Variants in RALYL observed in about 807,000 individuals in gnomAD.
The protein encoded by RALYL is RNA-binding Raly-like protein.
A neutral mutation model predicts 35.1 loss-of-function variants in RALYL; 29 were observed. The ratio of observed to expected loss-of-function variants is 0.83; its 90% CI spans 0.61 to 1.13. The LOEUF (loss-of-function observed/expected upper bound fraction) is 1.13. Among genes scored for constraint, RALYL ranks in the 50% most tolerant of loss-of-function variants. The probability of loss-of-function intolerance (pLI) is 0.00; values close to 1 mark genes in which losing one functional copy is unlikely to be tolerated. For missense variants in RALYL, 359 were observed against 360.4 expected (o/e 1.00, Z 0.03); for synonymous variants, 120 against 127.6 (o/e 0.94, Z 0.40).
intron 1 of RALYL, among the ~76,000 whole-genome samples, chr8:84,436,543 G>GTTTTTT (rs150233257): frequency 1.6e-5 from 1 of 62,396 alleles, no homozygotes; most frequent in Non-Finnish European, 2.7e-5. Context: ...AATCATGGGA[G>GTTTTTT]TTTTTTTTTT....
chr8:84,392,213 A>G lies in RALYL; in HGVS notation c.-23-137086A>G, dbSNP rs148908387. Among the ~76,000 whole-genome samples the G allele has an allele frequency of 3.7e-4, 56 of 152,164 alleles. No individual in the cohort carries two copies. The East Asian group carries it at 0.01, about 28-fold the overall frequency. On this transcript the variant is annotated intron_variant, in intron 1 of 8. Coordinates refer to ENST00000521268, the MANE Select transcript of RALYL (RefSeq NM_173848.7). ...CTGCAGAAGAGTTTAATATGGTACA[A>G]TAATAATTCTTATTTTTCTCTTACT...
At chr8:84,202,661 C>G (rs886843031) in intron 1 of RALYL, among the ~76,000 whole-genome samples, 1 of 152,018 alleles carries the variant, frequency 6.6e-6, no homozygotes, top group African/African-American at 2.4e-5. Flanking sequence ...CGTGAGCCAC[C>G]GTGCCCAGCC....
At chr8:84,237,894 G>A (rs1359443194) in intron 1 of RALYL, among the ~76,000 whole-genome samples, 1 of 151,528 alleles carries the variant, frequency 6.6e-6, no homozygotes, top group Non-Finnish European at 1.5e-5. Context: ...TCAGGAAATT[G>A]AAGAGAAAGG....
At chr8:84,423,933 G>A (rs917237457) in intron 1 of RALYL, among the ~76,000 whole-genome samples, 9 of 151,540 alleles carry the variant, frequency 5.9e-5, no homozygotes, top group Admixed American at 1.3e-4. Context: ...TTAGTCTGAT[G>A]GGCTTCCCTT....
chr8:84,814,088 C>A (rs1826575315), intron 4 of RALYL, among the ~76,000 whole-genome samples: 1 of 152,034 alleles, frequency 6.6e-6, no homozygotes. Context: ...GCTTCAGGTT[C>A]TTGTTTGTGA....
At chr8:84,826,348 T>G (rs1191025374) in intron 4 of RALYL, among the ~76,000 whole-genome samples, 2 of 151,714 alleles carry the variant, frequency 1.3e-5, no homozygotes, top group African/African-American at 4.8e-5. Context: ...TTCTTTGCTT[T>G]GCAATAGAGC....
chr8:84,537,564 A>G (rs971929328), intron 2 of RALYL, among the ~76,000 whole-genome samples: 3 of 151,822 alleles, frequency 2.0e-5, no homozygotes. Flanking sequence ...TACTTACGAG[A>G]TGGTATTCAG....
At chr8:84,543,317 A>G (rs1364552738) in intron 2 of RALYL, among the ~76,000 whole-genome samples, 1 of 151,840 alleles carries the variant, frequency 6.6e-6, no homozygotes, top group Non-Finnish European at 1.5e-5. Flanking sequence ...TTCATTACAT[A>G]TTTGATTACC....
intron 1 of RALYL, among the ~76,000 whole-genome samples, chr8:84,271,547 C>T (rs1371331176): frequency 6.6e-6 from 1 of 151,236 alleles, no homozygotes; most frequent in Admixed American, 6.6e-5. Context: ...TAAATGAAAA[C>T]ACATGTGCAC....
At chr8:84,807,885 G>T (rs1040888643) in intron 4 of RALYL, among the ~76,000 whole-genome samples, 35 of 152,058 alleles carry the variant, frequency 2.3e-4, no homozygotes, top group African/African-American at 8.5e-4. Flanking sequence ...TTACTGATTT[G>T]ATTGAGTTCA....
intron 2 of RALYL, among the ~76,000 whole-genome samples, chr8:84,637,142 C>T (rs552157812): frequency 2.0e-5 from 3 of 151,890 alleles, no homozygotes; most frequent in South Asian, 2.1e-4. Context: ...TCTGTGAGTC[C>T]GTGATTCTAG....
chr8:84,827,349 T>C (rs1829934007), intron 4 of RALYL, among the ~76,000 whole-genome samples: 1 of 152,016 alleles, frequency 6.6e-6, no homozygotes, highest in Admixed American at 6.6e-5. Context: ...TGACCCAAAC[T>C]AAAACAGTTT....
intron 1 of RALYL, among the ~76,000 whole-genome samples, chr8:84,385,742 G>A (rs190030585): frequency 6.7e-6 from 1 of 149,630 alleles, no homozygotes; most frequent in Admixed American, 6.7e-5. Flanking sequence ...ACCTGACAGG[G>A]CTAGCTAGCC....
chr8:84,530,439 T>C (rs962567374), intron 2 of RALYL, among the ~76,000 whole-genome samples: 3 of 149,556 alleles, frequency 2.0e-5, no homozygotes, highest in Admixed American at 6.7e-5. Context: ...CCTTCTCCAC[T>C]CCCAAATTTC....
At chr8:84,664,238 G>C (rs2131698246) in intron 2 of RALYL, among the ~76,000 whole-genome samples, 1 of 139,028 alleles carries the variant, frequency 7.2e-6, no homozygotes, top group African/African-American at 2.7e-5. Context: ...TTTGAAGTCA[G>C]GTAGCGTGAG....
At chr8:84,852,480 A>G (rs1022064298) in intron 5 of RALYL, among the ~76,000 whole-genome samples, 2 of 152,184 alleles carry the variant, frequency 1.3e-5, no homozygotes, top group Non-Finnish European at 2.9e-5. Flanking sequence ...CTTTTTGACA[A>G]GTTTAAAGAC....
intron 1 of RALYL, among the ~76,000 whole-genome samples, chr8:84,406,952 A>G (rs1351023623): frequency 6.6e-6 from 1 of 151,990 alleles, no homozygotes; most frequent in Non-Finnish European, 1.5e-5. Context: ...AACCTTGCAT[A>G]GCAACACAGG....
intron 2 of RALYL, among the ~76,000 whole-genome samples, chr8:84,657,402 A>G (rs1458560031): frequency 6.6e-6 from 1 of 152,210 alleles, no homozygotes; most frequent in Non-Finnish European, 1.5e-5. Context: ...CTTCCTTCCC[A>G]GAATCCAAGT....
chr8:84,796,472 C>T (rs1821928537), intron 3 of RALYL, among the ~76,000 whole-genome samples: 2 of 152,126 alleles, frequency 1.3e-5, no homozygotes, highest in Non-Finnish European at 2.9e-5. Context: ...AATCTTTAGG[C>T]AATAAATGAA....
Sources: gnomAD v4.1 joint callset for allele counts (sites outside exome capture counted in the v4.1 genomes callset) on GRCh38, gnomAD v4.1.1 for gene constraint, MANE v1.5 for transcripts, NCBI Gene and HGNC (gene_info 2026-07-23, HGNC 2026-07-21) for gene names.